SHLD2: variants seen among roughly 807,000 people sequenced by gnomAD.
The protein encoded by SHLD2 is shieldin complex subunit 2.
In SHLD2, 30 loss-of-function variants were observed where a neutral mutation model predicts 73.2. The observed-to-expected ratio is 0.41, with a 90% CI of 0.31 to 0.56. The LOEUF is 0.56. SHLD2 is among the 20% of genes least tolerant of loss of function. The pLI is 0.28. For missense variants in SHLD2, 745 were observed against 1,055.9 expected (o/e 0.71, Z 4.08); for synonymous variants, 285 against 370.1 (o/e 0.77, Z 2.64).
At chr10:87,099,396 G>A (rs1258013167) in intron 2 of SHLD2, among the ~76,000 whole-genome samples, 2 of 152,130 alleles carry the variant, frequency 1.3e-5, no homozygotes, top group African/African-American at 4.8e-5. Flanking sequence ...AGTCTATTCT[G>A]GACTTTTCCT....
chr10:87,151,358 A>G lies in SHLD2; in HGVS notation c.4A>G (p.Ser2Gly). 2.0e-6 allele frequency: 3 copies of G among 1,535,804 alleles called. No individual in the cohort carries two copies. The highest frequency in any genetic ancestry group is 2.6e-6 in the Non-Finnish European group (3 of 1,144,654). The change falls in exon 3 of 10, where the codon AGT (serine) becomes GGT (glycine). Residue 2 changes from serine to glycine, a missense_variant. Around this residue, in one of 5 missense-constraint regions of SHLD2, gnomAD observed 280 missense variants for 353.9 expected, o/e 0.79. Transcript: ENST00000298786. M[S>G]GGSQVHIFWG... is the part of the protein sequence containing the mutation. ...TTTTTCATTTTTATCAGAAATCATG[A>G]GTGGAGGATCTCAAGTCCACATTTT...
At chr10:87,104,358 G>C (rs1842461678) in intron 2 of SHLD2, among the ~76,000 whole-genome samples, 1 of 151,840 alleles carries the variant, frequency 6.6e-6, no homozygotes, top group Non-Finnish European at 1.5e-5. Flanking sequence ...GACCAGCCTG[G>C]CCAACATGGT....
intron 2 of SHLD2, among the ~76,000 whole-genome samples, chr10:87,115,114 G>C (rs770554645): frequency 1.3e-5 from 2 of 152,064 alleles, no homozygotes; most frequent in African/African-American, 4.8e-5. Context: ...GCAGTGGTGC[G>C]ATCTTGGCTC....
Position 87,151,515 on chromosome 10 carries a change from A to G in SHLD2, c.161A>G (p.Lys54Arg). The G allele has an allele frequency of 6.2e-7, 1 of 1,610,944 alleles. No individual in the cohort carries two copies. The highest frequency in any genetic ancestry group is 1.7e-5 in the Admixed American group (1 of 59,674). ...SQHSLYLKDE[K>R]QHKNLENYKV... ...CATTCTTTATATCTGAAGGATGAAA[A>G]ACAGCACAAAAATCTTGAAAACTAT... Residue 54 changes from lysine to arginine, a missense_variant, in exon 3 of 10, where the codon AAA becomes AGA. Around this residue, in one of 5 missense-constraint regions of SHLD2, gnomAD observed 280 missense variants for 353.9 expected, o/e 0.79. Transcript: ENST00000298786.
intron 2 of SHLD2, among the ~76,000 whole-genome samples, chr10:87,098,472 C>T (rs2133914930): frequency 6.8e-6 from 1 of 148,086 alleles, no homozygotes; most frequent in East Asian, 2.0e-4. Context: ...GAGATTGCGC[C>T]ATTGCACTCC....
At chr10:87,175,408 C>T (rs1012144174) in intron 6 of SHLD2, among the ~76,000 whole-genome samples, 14 of 150,976 alleles carry the variant, frequency 9.3e-5, no homozygotes, top group Admixed American at 5.9e-4. Flanking sequence ...TCTGGTGGCC[C>T]GGCACGGAGG....
intron 2 of SHLD2, among the ~76,000 whole-genome samples, chr10:87,117,610 A>G (rs1284738623): frequency 2.0e-5 from 3 of 152,186 alleles, no homozygotes; most frequent in Non-Finnish European, 4.4e-5. Context: ...CCTGGGCAAC[A>G]TGGCAAAACC....
intron 2 of SHLD2, among the ~76,000 whole-genome samples, chr10:87,098,927 C>T (rs1363445810): frequency 2.0e-5 from 3 of 152,126 alleles, no homozygotes; most frequent in Non-Finnish European, 2.9e-5. Flanking sequence ...AGGCACCTGC[C>T]GCCACTCCCG....
At chr10:87,132,073 T>C (rs1844468258) in intron 2 of SHLD2, among the ~76,000 whole-genome samples, 1 of 152,230 alleles carries the variant, frequency 6.6e-6, no homozygotes, top group Admixed American at 6.5e-5. Context: ...CTTTGTGTTG[T>C]AGAGTTGTAA....
At chr10:87,110,606 CAAA>C (rs200449399) in intron 2 of SHLD2, among the ~76,000 whole-genome samples, 13 of 99,706 alleles carry the variant, frequency 1.3e-4, no homozygotes, top group Admixed American at 1.9e-4. Context: ...GACTCCATCT[CAAA>C]AAAAAAAAAA....
chr10:87,165,489 G>A (rs1847133540), intron 4 of SHLD2, among the ~76,000 whole-genome samples: 1 of 152,160 alleles, frequency 6.6e-6, no homozygotes, highest in East Asian at 1.9e-4. Context: ...CCATTGAGAA[G>A]GATCCACCAT....
intron 6 of SHLD2, among the ~76,000 whole-genome samples, chr10:87,173,441 T>C (rs893080920): frequency 6.6e-6 from 1 of 151,912 alleles, no homozygotes; most frequent in Non-Finnish European, 1.5e-5. Flanking sequence ...AATAAATATA[T>C]TTTATTTTAT....
rs1185330699 is a variant in SHLD2 at position 87,150,062 on chromosome 10, T to A, written c.-5-1288T>A. Reference sequence around the variant, plus strand: ...ACCATGGCTGGCCAAAAATGAGTAATTTTTTTTTTTTTTTTTTTTTGAGAT... The same window carrying A: ...ACCATGGCTGGCCAAAAATGAGTAAATTTTTTTTTTTTTTTTTTTTGAGAT... On this transcript the variant is annotated intron_variant, in intron 2 of 9. Transcript: ENST00000298786. Among the ~76,000 whole-genome samples, 20 of 36,660 alleles carry A rather than the reference T, an allele frequency of 5.5e-4. No individual in the cohort carries two copies. In the East Asian group the frequency reaches 6.1e-3, roughly 11 times the overall value. The allele number at this position is 36,660 out of a possible 152,430, so 24.1% of individuals were successfully genotyped here. A position where few individuals can be genotyped will look rare whatever the true frequency, so the allele number is the denominator to read the frequency against.
At chr10:87,105,394 G>T (rs574822437) in intron 2 of SHLD2, among the ~76,000 whole-genome samples, 1 of 152,152 alleles carries the variant, frequency 6.6e-6, no homozygotes, top group South Asian at 2.1e-4. Flanking sequence ...ATTATGTTGC[G>T]CTTGCTTCTT....
chr10:87,139,855 C>G (rs1284590529), intron 2 of SHLD2, among the ~76,000 whole-genome samples: 1 of 151,874 alleles, frequency 6.6e-6, no homozygotes, highest in Non-Finnish European at 1.5e-5. Flanking sequence ...CAAGTAGTAT[C>G]TAAAGATGAA....
At chr10:87,134,215 C>T (rs186692216) in intron 2 of SHLD2, among the ~76,000 whole-genome samples, 1 of 152,278 alleles carries the variant, frequency 6.6e-6, no homozygotes, top group Non-Finnish European at 1.5e-5. Context: ...ATTCTTGTAA[C>T]TGAAAACCTA....
At chr10:87,117,358 T>G (rs1347928541) in intron 2 of SHLD2, among the ~76,000 whole-genome samples, 2 of 151,988 alleles carry the variant, frequency 1.3e-5, no homozygotes, top group Non-Finnish European at 2.9e-5. Flanking sequence ...GGTGGAAGTT[T>G]CGGTGAGCCG....
chr10:87,113,088 G>A (rs1743703569), intron 2 of SHLD2, among the ~76,000 whole-genome samples: 1 of 152,188 alleles, frequency 6.6e-6, no homozygotes, highest in African/African-American at 2.4e-5. Flanking sequence ...CACTTTGGGA[G>A]GCCGAGGCAG....
intron 2 of SHLD2, among the ~76,000 whole-genome samples, chr10:87,117,047 T>A (rs539865008): frequency 3.3e-4 from 51 of 152,324 alleles, no homozygotes; most frequent in Non-Finnish European, 6.3e-4. Context: ...GAGTACAGGA[T>A]CCAGCTATGG....
Sources: allele counts gnomAD v4.1 joint callset (sites outside exome capture counted in the v4.1 genomes callset), GRCh38; gene constraint gnomAD v4.1.1; regional missense constraint gnomAD v4.1.1; transcripts MANE v1.5; gene names NCBI Gene and HGNC (gene_info 2026-07-23, HGNC 2026-07-21).